PWWP3A: variants seen among roughly 807,000 people sequenced by gnomAD.
PWWP3A encodes the protein PWWP domain containing 3A, DNA repair factor.
A neutral mutation model predicts 79.0 loss-of-function variants in PWWP3A; 53 were observed. The observed-to-expected ratio is 0.67, with a 90% confidence interval of 0.54 to 0.84. PWWP3A has a LOEUF of 0.84. Ranked by LOEUF, PWWP3A falls within the 40% of genes least tolerant of loss-of-function variation. The pLI is 0.00. For missense variants in PWWP3A, 973 were observed against 948.0 expected, an observed-to-expected ratio of 1.03 and a Z score of -0.35; for synonymous variants, 443 against 394.4, an observed-to-expected ratio of 1.12 and a Z score of -1.46.
At chr19:1,376,345 A>G (rs1414186076) in intron 13 of PWWP3A, among the ~76,000 whole-genome samples, 174 bp from the exon 14 acceptor site, 2 of 124,106 alleles carry the variant, frequency 1.6e-5, no homozygotes, top group Non-Finnish European at 3.3e-5. Flanking sequence ...TTGTAGAGAC[A>G]GGGTTTCACC....
At position 1,367,874 on chromosome 19, in the gene PWWP3A, G is replaced by GA. The variant is rs568254510; in HGVS notation, c.1422+661dup. On this transcript the variant is annotated intron_variant, in intron 9 of 13. Coordinates refer to ENST00000591337, the MANE Select transcript of PWWP3A (RefSeq NM_001369789.1). ...CAGTGCAGTTATTTTTACTCCTCTG[G>GA]AAAAAAAGAAAAAGTGGTTGTGTCT... Among the ~76,000 whole-genome samples the GA allele has an allele frequency of 6.6e-5, 10 of 151,964 alleles. No individual in the cohort carries two copies. In the East Asian group the frequency reaches 1.9e-3, roughly 29 times the overall value.
chr19:1,366,484 C>T (rs991951301), intron 8 of PWWP3A, 103 bp downstream of exon 8: 14 of 1,061,982 alleles, frequency 1.3e-5, no homozygotes, highest in Middle Eastern at 2.2e-4. Context: ...GGGGAGGCCC[C>T]GGCAGGAGTC....
chr19:1,362,471 C>T lies in PWWP3A; in HGVS notation c.1213+120C>T, dbSNP rs987538200. On this transcript the variant is annotated intron_variant, in intron 6 of 13. Transcript: ENST00000591337. ...AGGTCTCCTGCGAGTTCATTTCTCT[C>T]CCACTGAACCGAGACCTGGAAGGGA... 9.9e-6 allele frequency: 7 copies of T among 710,358 alleles called. No homozygotes were observed. The African/African-American group carries it at 1.1e-4, about 11-fold the overall frequency. The allele number at this position is 710,358 out of a possible 1,614,324, so 44.0% of individuals were successfully genotyped here.
Position 1,360,027 on chromosome 19 carries a change from G to A in PWWP3A, c.215-109G>A, listed in dbSNP as rs2081973982. The A allele has an allele frequency of 1.8e-6, 2 of 1,118,212 alleles. No individual in the cohort carries two copies. The highest frequency in any genetic ancestry group is 1.9e-5 in the South Asian group (1 of 52,152). The allele number at this position is 1,118,212 out of a possible 1,614,324, so 69.3% of individuals were successfully genotyped here. ...TTAGTCCTCCCCTTCAGTGATTTAG[G>A]TATGAAACTAGCCGTCAGAATGAGA... On this transcript the variant is annotated intron_variant, in intron 4 of 13. Transcript: ENST00000591337. This position sits in a 1 kb window ranked among gnomAD's most constrained non-coding sequence, Gnocchi z 4.4.
rs780810565 is a variant in PWWP3A at position 1,376,505 on chromosome 19, C to CT, written c.2076-12dup. ...ATGATTAATTACTAAAATGAAGACTCTTGTTTTCTGAAGGGAAAAAGAAAT... is the reference window on the plus strand; with the variant it reads ...ATGATTAATTACTAAAATGAAGACTCTTTGTTTTCTGAAGGGAAAAAGAAAT... On this transcript the variant is annotated splice_polypyrimidine_tract_variant and intron_variant, in intron 13 of 13. Transcript: ENST00000591337. 1.9e-5 allele frequency: 30 copies of CT among 1,612,576 alleles called. No individual in the cohort carries two copies. The highest frequency in any genetic ancestry group is 2.2e-5 in the Non-Finnish European group (26 of 1,179,326).
intron 12 of PWWP3A, chr19:1,371,343 G>C: frequency 1.4e-6 from 1 of 704,962 alleles, no homozygotes; most frequent in East Asian, 2.7e-5. Context: ...CAGGGGGTGC[G>C]AACTCCCTCC....
Position 1,369,500 on chromosome 19 carries a change from ATT to A in PWWP3A, c.1499-94_1499-93del, listed in dbSNP as rs928098311. 7.5e-5 allele frequency: 115 copies of A among 1,537,882 alleles called. No individual in the cohort carries two copies. The highest frequency in any genetic ancestry group is 9.6e-5 in the Non-Finnish European group (107 of 1,112,650). On this transcript the variant is annotated intron_variant, in intron 10 of 13. Transcript: ENST00000591337. The surrounding 1 kb of genome is among the most constrained non-coding windows in gnomAD (Gnocchi z 4.0). ...GCTGGGGTTCTGGCCTGGCCTGATT[ATT>A]TCCTAAACAGAGACGCCGGGCCAGC... is the stretch of plus-strand genomic sequence containing the variant.
Position 1,360,210 on chromosome 19 carries a change from G to A in PWWP3A, c.289G>A (p.Val97Ile), listed in dbSNP as rs916115117. ...YRRSLRVALD[V>I]LSEGSIWSQE... ...ACGGTCGCTTCGCGTGGCTCTGGAC[G>A]TTCTGAGCGAGGGCTCGATTTGGAG... The change falls in exon 5 of 14, where the codon GTT becomes ATT. Residue 97 changes from valine (V) to isoleucine (I), a missense_variant. Coordinates refer to ENST00000591337, the MANE Select transcript of PWWP3A (RefSeq NM_001369789.1). This position sits in a 1 kb window ranked among gnomAD's most constrained non-coding sequence, Gnocchi z 4.4. The A allele has an allele frequency of 1.5e-5, 24 of 1,613,206 alleles. No individual in the cohort carries two copies. Among genetic ancestry groups the A allele is most frequent in the Admixed American group, 3.3e-5 (2 of 59,834 alleles).
chr19:1,366,326 G>C lies in PWWP3A; in HGVS notation c.1306G>C (p.Asp436His), dbSNP rs373401790. The C allele has an allele frequency of 2.5e-6, 4 of 1,614,132 alleles. No individual in the cohort carries two copies. The African/African-American group carries it at 5.3e-5, about 22-fold the overall frequency. The stretch of plus-strand genomic sequence containing the variant: ...ACAGGTCAAAAGCGTCAGGCAGAGA[G>C]ATAAGAAAGCAAGTGTGCTATACAT... ...PAVVKSVRQR[D>H]KKASVLYIEG... The change falls in exon 8 of 14, where the codon GAT (aspartate) becomes CAT (histidine). Residue 436 changes from aspartate to histidine, a missense_variant. Coordinates refer to ENST00000591337, the MANE Select transcript of PWWP3A (RefSeq NM_001369789.1).
chr19:1,375,966 C>T (rs531788435), intron 13 of PWWP3A, among the ~76,000 whole-genome samples: 24 of 151,070 alleles, frequency 1.6e-4, no homozygotes, highest in African/African-American at 5.1e-4. Flanking sequence ...CCCACTACCA[C>T]GCCTGGCTAA....
rs371122543 is a variant in PWWP3A at position 1,358,378 on chromosome 19, G to A, written c.144-16G>A. Reference sequence around the variant, plus strand: ...GCGTTGGCTGGTGGTGTGTAACGTCGATTTTGTCTCTGCAGAATTAAGGTG... The same window carrying A: ...GCGTTGGCTGGTGGTGTGTAACGTCAATTTTGTCTCTGCAGAATTAAGGTG... On this transcript the variant is annotated splice_polypyrimidine_tract_variant and intron_variant, in intron 3 of 13. Coordinates refer to ENST00000591337, the MANE Select transcript of PWWP3A (RefSeq NM_001369789.1). The A allele has an allele frequency of 6.8e-6, 11 of 1,611,858 alleles. No homozygotes were observed. The highest frequency in any genetic ancestry group is 6.7e-5 in the Admixed American group (4 of 59,772).
intron 5 of PWWP3A, among the ~76,000 whole-genome samples, chr19:1,361,316 G>A (rs1213235972): frequency 6.6e-6 from 1 of 152,234 alleles, no homozygotes; most frequent in Admixed American, 6.5e-5. Context: ...TGTCTGCGGC[G>A]CGGCTGGGAG....
rs2081982323 is a variant in PWWP3A at position 1,360,328 on chromosome 19, C to T, written c.407C>T (p.Ser136Leu). The change falls in exon 5 of 14, where the codon TCA (serine) becomes TTA (leucine). Residue 136 changes from serine (S) to leucine (L), a missense_variant. Physicochemically the swap from Ser to Leu is moderately radical, Grantham distance 145. Coordinates refer to ENST00000591337, the MANE Select transcript of PWWP3A (RefSeq NM_001369789.1). The surrounding 1 kb of genome is among the most constrained non-coding windows in gnomAD (Gnocchi z 4.4). ...HVSSPCDSNS[S>L]SLPRGDVLGS... The stretch of plus-strand genomic sequence containing the variant: ...TCCTCGCCCTGTGATTCGAACTCCT[C>T]ATCTCTTCCCCGCGGAGACGTGTTG... 7 of 1,614,010 alleles carry T rather than the reference C, an allele frequency of 4.3e-6. No individual in the cohort carries two copies. The South Asian group carries it at 4.4e-5, about 10-fold the overall frequency.
chr19:1,364,137 C>T (rs1277933698), intron 6 of PWWP3A: 2 of 523,584 alleles, frequency 3.8e-6, no homozygotes, highest in African/African-American at 3.9e-5. Flanking sequence ...TGTTTTGTGC[C>T]ACACACTCTT....
At position 1,361,047 on chromosome 19, in the gene PWWP3A, TGGA is replaced by T. The variant is rs1438975618; in HGVS notation, c.1111+23_1111+25del. 13 of 1,423,570 alleles carry T rather than the reference TGGA, an allele frequency of 9.1e-6. No homozygotes were observed. The highest frequency in any genetic ancestry group is 1.2e-5 in the Non-Finnish European group (13 of 1,086,742). 88.2% of individuals were successfully genotyped at this position (1,423,570 alleles called of 1,614,324 possible). On this transcript the variant is annotated intron_variant, in intron 5 of 13. Transcript: ENST00000591337. ...GCTGGAGAAAGGTAAAAGTTTCTCG[TGGA>T]GGAGGAGAGCGCAGAGGGTGGAGTC... is the stretch of plus-strand genomic sequence containing the variant.
chr19:1,370,971 C>G lies in PWWP3A; in HGVS notation c.1879C>G (p.Leu627Val), dbSNP rs751828324. The G allele has an allele frequency of 1.3e-6, 2 of 1,562,512 alleles. No individual in the cohort carries two copies. The highest frequency in any genetic ancestry group is 1.4e-5 in the African/African-American group (1 of 73,794). Residue 627 changes from leucine to valine, a missense_variant, in exon 12 of 14, where the codon CTG becomes GTG. Physicochemically the swap from Leu to Val is conservative, Grantham distance 32. Transcript: ENST00000591337. ...CCTGGAGGATGAGGGGCAGCTGGAC[C>G]TGGTGGTGAAGTACCTGCAGGGCGT... ...TYLEDEGQLD[L>V]VVKYLQGVYQ...
At chr19:1,362,410 C>T (rs1001711167) in intron 6 of PWWP3A, 59 bp downstream of exon 6, 8 of 1,393,054 alleles carry the variant, frequency 5.7e-6, no homozygotes, top group East Asian at 4.6e-5. Context: ...GCAGCGGCGG[C>T]GGGGCTCCGA....
chr19:1,356,556 C>G, intron 2 of PWWP3A, 107 bp downstream of exon 2: 1 of 1,105,846 alleles, frequency 9.0e-7, no homozygotes, highest in Non-Finnish European at 1.3e-6. Flanking sequence ...AATAATTGAG[C>G]CAGAACACGG....
At chr19:1,358,779 A>G in intron 4 of PWWP3A, 1 of 890,262 alleles carries the variant, frequency 1.1e-6, no homozygotes, top group Admixed American at 2.2e-5. Context: ...ATAAGGGGGG[A>G]GGTCCTCCTT....
Sources: allele counts gnomAD v4.1 joint callset (sites outside exome capture counted in the v4.1 genomes callset), GRCh38; gene constraint gnomAD v4.1.1; non-coding constraint Gnocchi (gnomAD v3.1); transcripts MANE v1.5; gene names NCBI Gene and HGNC (gene_info 2026-07-23, HGNC 2026-07-21).